ZNF704: variants seen among roughly 807,000 people sequenced by gnomAD.
The protein encoded by ZNF704 is zinc finger protein 704, also known as glucocorticoid induced gene 1.
Under a neutral mutation model 44.7 loss-of-function variants are expected in ZNF704, and 10 were observed. The ratio of observed to expected loss-of-function variants is 0.22; its 90% CI spans 0.14 to 0.38. The LOEUF is 0.38. ZNF704 is among the 10% of genes least tolerant of loss of function. The pLI is 1.00. For missense variants in ZNF704, 390 were observed against 545.5 expected, an observed-to-expected ratio of 0.71 and a Z score of 2.84; for synonymous variants, 211 against 207.6, an observed-to-expected ratio of 1.02 and a Z score of -0.14.
chr8:80,646,134 C>T (rs1329193785), intron 7 of ZNF704, among the ~76,000 whole-genome samples: 7 of 152,304 alleles, frequency 4.6e-5, no homozygotes, highest in Non-Finnish European at 8.8e-5. Flanking sequence ...TTATAGATTA[C>T]CCAGTCTAAG....
intron 2 of ZNF704, among the ~76,000 whole-genome samples, chr8:80,752,907 T>C (rs1004672456): frequency 6.6e-6 from 1 of 152,170 alleles, no homozygotes; most frequent in African/African-American, 2.4e-5. Flanking sequence ...TCCATTTCCT[T>C]TCAGTTGCAG....
At chr8:80,775,276 A>T (rs1313921799) in intron 2 of ZNF704, among the ~76,000 whole-genome samples, 1 of 152,244 alleles carries the variant, frequency 6.6e-6, no homozygotes, top group Non-Finnish European at 1.5e-5. Flanking sequence ...AAGGCCTGTA[A>T]GAAAGATTAT....
At chr8:80,809,875 A>G (rs2129831103) in intron 2 of ZNF704, among the ~76,000 whole-genome samples, 1 of 151,810 alleles carries the variant, frequency 6.6e-6, no homozygotes, top group Non-Finnish European at 1.5e-5. Context: ...CTTTTGTATT[A>G]CTCCTGAATT....
intron 2 of ZNF704, among the ~76,000 whole-genome samples, chr8:80,751,418 G>A (rs1806941317): frequency 6.6e-6 from 1 of 152,168 alleles, no homozygotes; most frequent in Non-Finnish European, 1.5e-5. Flanking sequence ...ACGGAACAAT[G>A]TTTAATTTTC....
At chr8:80,661,706 CATGTTCTCACTCAT>C (rs1224086682) in intron 6 of ZNF704, among the ~76,000 whole-genome samples, 1 of 152,174 alleles carries the variant, frequency 6.6e-6, no homozygotes, top group Non-Finnish European at 1.5e-5. Context: ...ATAAACATCA[CATGTTCTCACTCAT>C]ATGTGGGAAA....
intron 1 of ZNF704, among the ~76,000 whole-genome samples, chr8:80,866,108 G>T (rs1163659042): frequency 1.3e-5 from 2 of 152,072 alleles, no homozygotes; most frequent in Admixed American, 1.3e-4. Context: ...AGCTATTCAG[G>T]AATCACCTCC....
intron 2 of ZNF704, among the ~76,000 whole-genome samples, chr8:80,776,104 CA>C (rs1807406325): frequency 1.3e-5 from 2 of 152,136 alleles, no homozygotes; most frequent in Non-Finnish European, 1.5e-5. Context: ...CTAAGTAATC[CA>C]TTATTGCTAA....
At chr8:80,733,792 A>G (rs1160409132) in intron 2 of ZNF704, among the ~76,000 whole-genome samples, 2 of 152,162 alleles carry the variant, frequency 1.3e-5, no homozygotes, top group Non-Finnish European at 2.9e-5. Flanking sequence ...ATATTTTCCC[A>G]TAATTTTAGA....
At chr8:80,722,474 T>A (rs1295815389) in intron 2 of ZNF704, among the ~76,000 whole-genome samples, 1 of 152,228 alleles carries the variant, frequency 6.6e-6, no homozygotes, top group African/African-American at 2.4e-5. Flanking sequence ...TCAATAAGTG[T>A]AAGTTATCAC....
chr8:80,873,479 G>T (rs1292292455), intron 1 of ZNF704: 9 of 151,616 alleles, frequency 5.9e-5, no homozygotes, highest in African/African-American at 1.9e-4. Context: ...CTTGCCCCGG[G>T]GCCCGGGCCC....
intron 1 of ZNF704, among the ~76,000 whole-genome samples, chr8:80,824,414 A>G (rs931006423): frequency 6.6e-6 from 1 of 152,224 alleles, no homozygotes; most frequent in Non-Finnish European, 1.5e-5. Context: ...CCTCCAAGAA[A>G]TATGGGACTA....
chr8:80,862,786 A>AG (rs1440365090), intron 1 of ZNF704, among the ~76,000 whole-genome samples: 1 of 151,000 alleles, frequency 6.6e-6, no homozygotes, highest in East Asian at 1.9e-4. Context: ...AAAAAAAAAA[A>AG]AAAAAGAATA....
chr8:80,811,055 T>C lies in ZNF704; in HGVS notation c.221+10319A>G, dbSNP rs576966082. ...CACTGCCTTTGGGATAAATGAGATG[T>C]TGGACTGAAATGCAAAATTAACTTA... On this transcript the variant is annotated intron_variant, in intron 2 of 8. Coordinates refer to ENST00000327835, the MANE Select transcript of ZNF704 (RefSeq NM_001033723.3). Among the ~76,000 whole-genome samples the C allele has an allele frequency of 5.9e-5, 9 of 152,328 alleles. No individual in the cohort carries two copies. The South Asian group carries it at 6.2e-4, about 11-fold the overall frequency.
chr8:80,824,214 G>C (rs1586054497), intron 1 of ZNF704, among the ~76,000 whole-genome samples: 1 of 152,102 alleles, frequency 6.6e-6, no homozygotes, highest in Non-Finnish European at 1.5e-5. Flanking sequence ...AGAATAAACA[G>C]TGTAAAGAAG....
Position 80,847,368 on chromosome 8 carries a change from CAA to C in ZNF704, c.-21-25755_-21-25754del, listed in dbSNP as rs370727744. ...TGGGGGACATATTGTGGTAATGGCT[CAA>C]GAGTCAACATAGTAAAAATGTCAAT... is the stretch of plus-strand genomic sequence containing the variant. On this transcript the variant is annotated intron_variant, in intron 1 of 8. Transcript: ENST00000327835. Among the ~76,000 whole-genome samples the C allele has an allele frequency of 5.3e-5, 8 of 152,010 alleles. No individual in the cohort carries two copies. The East Asian group carries it at 1.5e-3, about 29-fold the overall frequency.
intron 1 of ZNF704, among the ~76,000 whole-genome samples, chr8:80,838,459 G>A (rs1370266699): frequency 1.3e-5 from 2 of 152,186 alleles, no homozygotes; most frequent in Non-Finnish European, 2.9e-5. Context: ...TCAGTTAGTG[G>A]TGCTGGCTGG....
intron 1 of ZNF704, among the ~76,000 whole-genome samples, chr8:80,865,567 T>C (rs1029936120): frequency 1.3e-5 from 2 of 152,260 alleles, no homozygotes; most frequent in African/African-American, 2.4e-5. Context: ...ATACAACCTT[T>C]TAAAACACTG....
intron 7 of ZNF704, among the ~76,000 whole-genome samples, chr8:80,647,974 A>G (rs78182567): frequency 0.055 from 8,439 of 152,244 alleles, 261 homozygotes; most frequent in Middle Eastern, 0.092. Flanking sequence ...TGGAGGCTGG[A>G]AAGTCCAAGG....
intron 2 of ZNF704, among the ~76,000 whole-genome samples, chr8:80,740,342 G>A (rs1412060492): frequency 6.6e-6 from 1 of 152,080 alleles, no homozygotes; most frequent in Non-Finnish European, 1.5e-5. Context: ...GCAACAGAAG[G>A]ACAATATGGA....
Sources: allele counts gnomAD v4.1 joint callset (sites outside exome capture counted in the v4.1 genomes callset), GRCh38; gene constraint gnomAD v4.1.1; transcripts MANE v1.5; gene names NCBI Gene and HGNC (gene_info 2026-07-23, HGNC 2026-07-21).